MYL4: variants seen among roughly 807,000 people sequenced by gnomAD.
The protein encoded by MYL4 is myosin light chain 4.
A neutral mutation model predicts 21.6 loss-of-function variants in MYL4; 16 were observed. The ratio of observed to expected loss-of-function variants is 0.74; its 90% CI spans 0.50 to 1.12. MYL4 has a LOEUF of 1.12. Among genes scored for constraint, MYL4 ranks in the 50% most tolerant of loss-of-function variants. MYL4 has a pLI of 0.00. For synonymous variants in MYL4, 82 were observed against 95.7 expected (o/e 0.86, Z 0.83); for missense variants, 249 against 252.9 (o/e 0.98, Z 0.11).
At chr17:47,204,039 C>A (rs1106950), upstream of MYL4, among the ~76,000 whole-genome samples, 34,652 of 152,140 alleles carry the variant, frequency 0.23, 4,313 homozygotes, top group Non-Finnish European at 0.27. Context: ...GAACATTTGT[C>A]TAAAGTTGGG....
the MYL4 span, among the ~76,000 whole-genome samples, chr17:47,192,067 T>C: frequency 1.2e-3 from 186 of 152,276 alleles, no homozygotes; most frequent in African/African-American, 4.0e-3. Context: ...AAAAAGAGCA[T>C]TTCCTGGCTG....
chr17:47,211,261 A>G (rs1402696607), intron 1 of MYL4, among the ~76,000 whole-genome samples: 3 of 152,162 alleles, frequency 2.0e-5, no homozygotes, highest in Non-Finnish European at 4.4e-5. Flanking sequence ...CCAAGACAGA[A>G]GAGAAGCCAG....
At chr17:47,207,615 G>A (rs2064736755), upstream of MYL4, among the ~76,000 whole-genome samples, 1 of 152,172 alleles carries the variant, frequency 6.6e-6, no homozygotes, top group South Asian at 2.1e-4. Flanking sequence ...ACTGGGCCTA[G>A]AAAGGCGAAG....
chr17:47,204,520 A>G (rs1186037260), upstream of MYL4, among the ~76,000 whole-genome samples: 1 of 152,094 alleles, frequency 6.6e-6, no homozygotes, highest in South Asian at 2.1e-4. Context: ...CTTCACAACT[A>G]CCTTGTAGTT....
At chr17:47,220,448 G>T (rs143822975) in intron 3 of MYL4, among the ~76,000 whole-genome samples, 1 of 152,340 alleles carries the variant, frequency 6.6e-6, no homozygotes, top group Non-Finnish European at 1.5e-5. Flanking sequence ...GGTGGCCATC[G>T]CGAGCTGTAT....
Position 47,221,675 on chromosome 17 carries a change from C to T in MYL4, c.314-7C>T. The T allele has an allele frequency of 6.2e-7, 1 of 1,610,858 alleles. No homozygotes were observed. Among genetic ancestry groups the T allele is most frequent in the African/African-American group, 1.3e-5 (1 of 75,010 alleles). ...GATTTCTCTTTCTTTACCCTGCCTG[C>T]CTGAAGAGATGAATGTCAAGATGCT... On this transcript the variant is annotated splice_region_variant and splice_polypyrimidine_tract_variant and intron_variant, in intron 3 of 6. Transcript: ENST00000393450.
rs139239258 is a variant in MYL4, at chr17:47,221,797, C to T, written c.429C>T (p.Asp143=). The T allele has an allele frequency of 2.5e-6, 4 of 1,613,986 alleles. No individual in the cohort carries two copies. The highest frequency in any genetic ancestry group is 2.7e-5 in the African/African-American group (2 of 74,894). Reference sequence around the variant, plus strand: ...TCGTGGAGGGCCTGCGTGTCTTTGACAAGGAGAGCAATGGCACGGTCATGG... The same window carrying T: ...TCGTGGAGGGCCTGCGTGTCTTTGATAAGGAGAGCAATGGCACGGTCATGG... ...EDFVEGLRVF[D]KESNGTVMGA... is the part of the protein sequence containing the mutation. The change falls in exon 4 of 7, where the codon GAC becomes GAT. Residue 143 remains aspartate (D), a synonymous_variant. Coordinates refer to ENST00000393450, the MANE Select transcript of MYL4 (RefSeq NM_002476.2).
chr17:47,193,198 T>C, the MYL4 span, among the ~76,000 whole-genome samples: 2 of 151,902 alleles, frequency 1.3e-5, no homozygotes, highest in Admixed American at 1.3e-4. Context: ...GTTTACTCTT[T>C]GGTCAAATCA....
At chr17:47,225,796 T>C (rs2064883091), downstream of MYL4, among the ~76,000 whole-genome samples, 1 of 152,016 alleles carries the variant, frequency 6.6e-6, no homozygotes, top group Non-Finnish European at 1.5e-5. Flanking sequence ...ACACCCCCAG[T>C]TTGAAATGCC....
the MYL4 span, among the ~76,000 whole-genome samples, chr17:47,193,498 C>T: frequency 6.6e-6 from 1 of 151,888 alleles, no homozygotes; most frequent in African/African-American, 2.4e-5. Flanking sequence ...GAACTCTTGA[C>T]CTCAAGTGAT....
chr17:47,192,858 AAT>A, the MYL4 span, among the ~76,000 whole-genome samples: 1 of 152,190 alleles, frequency 6.6e-6, no homozygotes, highest in African/African-American at 2.4e-5. Flanking sequence ...TCCGTTATCC[AAT>A]ATGTTTGGCT....
At chr17:47,203,242 C>T (rs905064924) in intron 1 of MYL4, among the ~76,000 whole-genome samples, 52 of 152,276 alleles carry the variant, frequency 3.4e-4, no homozygotes, top group South Asian at 1.0e-3. Flanking sequence ...TAAAACATTT[C>T]GACTTCTATC....
rs1459997893 is a variant in MYL4 at position 47,209,482 on chromosome 17, T to TCCAGCCCCTGCA, written c.72_83dup (p.Ala28_Pro31dup). 9 of 1,614,092 alleles carry TCCAGCCCCTGCA rather than the reference T, an allele frequency of 5.6e-6. No homozygotes were observed. The East Asian group carries it at 8.9e-5, about 16-fold the overall frequency. On this transcript the variant is annotated inframe_insertion, in exon 1 of 7. Coordinates refer to ENST00000393450, the MANE Select transcript of MYL4 (RefSeq NM_002476.2). ...CAGCCAAGCCAGCTCCAGCTCCAGC[T>TCCAGCCCCTGCA]CCAGCCCCTGCACCAGCCCCTGCCC...
chr17:47,227,424 T>G (rs1341154555), downstream of MYL4, among the ~76,000 whole-genome samples: 1 of 152,222 alleles, frequency 6.6e-6, no homozygotes, highest in Non-Finnish European at 1.5e-5. Flanking sequence ...ATCCAGACCA[T>G]GTACAGTTGA....
In MYL4 at chr17:47,222,337, C is replaced by A. The variant is rs750267661; in HGVS notation, c.488-43C>A. ...TTGGGTATTGCCAGTTCCTCCTTTG[C>A]CATCTGTAATTAAGAGCGCACCACC... On this transcript the variant is annotated intron_variant, in intron 4 of 6. Coordinates refer to ENST00000393450, the MANE Select transcript of MYL4 (RefSeq NM_002476.2). The A allele has an allele frequency of 7.6e-6, 12 of 1,583,538 alleles. No homozygotes were observed. In the East Asian group the frequency reaches 2.7e-4, roughly 35 times the overall value.
chr17:47,198,960 C>T (rs1320617243), upstream of MYL4, among the ~76,000 whole-genome samples: 1 of 151,728 alleles, frequency 6.6e-6, no homozygotes, highest in Admixed American at 6.6e-5. Context: ...TATGGCCAGG[C>T]ATGGTGGCTC....
intron 1 of MYL4, 191 bp downstream of exon 1, chr17:47,209,748 T>C: frequency 1.3e-6 from 1 of 780,096 alleles, no homozygotes; most frequent in South Asian, 1.7e-5. Flanking sequence ...GTCATAAACC[T>C]TTTCCGTCAA....
At chr17:47,206,813 C>G (rs1253645599), upstream of MYL4, among the ~76,000 whole-genome samples, 1 of 152,198 alleles carries the variant, frequency 6.6e-6, no homozygotes, top group Non-Finnish European at 1.5e-5. Context: ...GGTCTCCCAG[C>G]TTCTATCCTG....
upstream of MYL4, among the ~76,000 whole-genome samples, chr17:47,204,188 A>C (rs1162948448): frequency 6.6e-6 from 1 of 152,198 alleles, no homozygotes; most frequent in Non-Finnish European, 1.5e-5. Flanking sequence ...TGGTGGAGGA[A>C]AAGGGAGATC....
Sources: allele counts gnomAD v4.1 joint callset (sites outside exome capture counted in the v4.1 genomes callset), GRCh38; gene constraint gnomAD v4.1.1; transcripts MANE v1.5; gene names NCBI Gene and HGNC (gene_info 2026-07-23, HGNC 2026-07-21).